The following HPGDS variants were observed in gnomAD, a reference collection of about 807,000 sequenced individuals.
HPGDS encodes the protein hematopoietic prostaglandin D synthase, also known as GST class-sigma.
A neutral mutation model predicts 23.1 loss-of-function variants in HPGDS; 26 were observed. The observed-to-expected ratio is 1.13, with a 90% CI of 0.83 to 1.56. The LOEUF (loss-of-function observed/expected upper bound fraction) is 1.56. Among genes scored for constraint, HPGDS ranks in the 40% most tolerant of loss-of-function variants. The pLI is 0.00. For synonymous variants in HPGDS, 95 were observed against 77.9 expected, an observed-to-expected ratio of 1.22 and a Z score of -1.16; for missense variants, 268 against 236.4, an observed-to-expected ratio of 1.13 and a Z score of -0.88.
chr4:94,338,058 A>G (rs1721059333), intron 1 of HPGDS, among the ~76,000 whole-genome samples: 1 of 152,220 alleles, frequency 6.6e-6, no homozygotes, highest in South Asian at 2.1e-4. Flanking sequence ...TTGCATAATT[A>G]TATTTTCTGT....
Position 94,300,769 on chromosome 4 carries a change from G to A in HPGDS, c.436-1125C>T, listed in dbSNP as rs1010170536. Among the ~76,000 whole-genome samples, 10 of 152,198 alleles carry A rather than the reference G, an allele frequency of 6.6e-5. No individual in the cohort carries two copies. In the South Asian group the frequency reaches 1.9e-3, roughly 28 times the overall value. ...CATGTGATGGACTATGACATGGTCA[G>A]AGAGGACTTTTTAAGAGGTGACACG... On this transcript the variant is annotated intron_variant, in intron 5 of 5. Coordinates refer to ENST00000295256, the MANE Select transcript of HPGDS (RefSeq NM_014485.3).
At chr4:94,321,123 T>G (rs1756498889) in intron 2 of HPGDS, among the ~76,000 whole-genome samples, 1 of 152,200 alleles carries the variant, frequency 6.6e-6, no homozygotes, top group African/African-American at 2.4e-5. Context: ...TTGGTCTATA[T>G]CTCTGTTTTG....
At chr4:94,303,302 C>T (rs957846709) in intron 4 of HPGDS, among the ~76,000 whole-genome samples, 2 of 152,110 alleles carry the variant, frequency 1.3e-5, no homozygotes, top group Non-Finnish European at 2.9e-5. Context: ...TTTGAGCATG[C>T]GCATGATGCC....
At chr4:94,316,345 A>G (rs1448581129) in intron 3 of HPGDS, among the ~76,000 whole-genome samples, 1 of 152,136 alleles carries the variant, frequency 6.6e-6, no homozygotes. Flanking sequence ...CCACATGGCA[A>G]CGTCTATCTA....
intron 4 of HPGDS, among the ~76,000 whole-genome samples, chr4:94,304,827 A>G (rs1241812066): frequency 6.6e-6 from 1 of 152,088 alleles, no homozygotes; most frequent in Non-Finnish European, 1.5e-5. Flanking sequence ...CTTATCATAA[A>G]TGTTCGAAGA....
chr4:94,322,957 A>G (rs775294850), intron 2 of HPGDS, among the ~76,000 whole-genome samples: 16 of 152,200 alleles, frequency 1.1e-4, no homozygotes, highest in South Asian at 4.2e-4. Flanking sequence ...ATTCTGGTAC[A>G]TTGTGTCTTT....
intron 3 of HPGDS, among the ~76,000 whole-genome samples, chr4:94,312,994 A>T (rs879316759): frequency 2.0e-5 from 3 of 151,716 alleles, no homozygotes; most frequent in African/African-American, 7.3e-5. Context: ...TGCTTGGTAG[A>T]TCTTCCTCCA....
intron 1 of HPGDS, among the ~76,000 whole-genome samples, chr4:94,340,332 T>G (rs1293198854): frequency 2.8e-5 from 1 of 35,612 alleles, no homozygotes. Context: ...TTTTTTTTTT[T>G]TTTTTTTTTT....
intron 2 of HPGDS, among the ~76,000 whole-genome samples, chr4:94,320,606 G>A (rs1039695090): frequency 3.9e-5 from 6 of 152,090 alleles, no homozygotes; most frequent in Non-Finnish European, 8.8e-5. Context: ...TTTTGATGGG[G>A]TTGTTTGATT....
intron 2 of HPGDS, among the ~76,000 whole-genome samples, chr4:94,323,608 T>G (rs1382624259): frequency 6.6e-6 from 1 of 152,176 alleles, no homozygotes; most frequent in African/African-American, 2.4e-5. Context: ...TTGTTTTCCA[T>G]TTGCTTGGTA....
intron 3 of HPGDS, among the ~76,000 whole-genome samples, chr4:94,310,566 C>T (rs538876934): frequency 2.0e-4 from 30 of 152,254 alleles, no homozygotes; most frequent in East Asian, 3.9e-4. Flanking sequence ...AGTCGGGTAG[C>T]GTGATGCTTC....
rs758424817 is a variant in HPGDS, at chr4:94,308,752, TAGAG to T, written c.227-13_227-10del. On this transcript the variant is annotated splice_polypyrimidine_tract_variant and intron_variant, in intron 3 of 5. Coordinates refer to ENST00000295256, the MANE Select transcript of HPGDS (RefSeq NM_014485.3). ...TGTGTTTCCAGCCAAATCTGTGGAA[TAGAG>T]AGAGGCCCATCAATATGTTTAATTT... 19 of 1,418,680 alleles carry T rather than the reference TAGAG, an allele frequency of 1.3e-5. No homozygotes were observed. Among genetic ancestry groups the T allele is most frequent in the Non-Finnish European group, 1.7e-5 (17 of 1,006,230 alleles). 87.9% of individuals were successfully genotyped at this position (1,418,680 alleles called of 1,614,324 possible).
intron 3 of HPGDS, among the ~76,000 whole-genome samples, chr4:94,315,504 A>T (rs765849397): frequency 6.6e-6 from 1 of 151,918 alleles, no homozygotes; most frequent in Non-Finnish European, 1.5e-5. Context: ...CTTTTGTCTC[A>T]TTTGTTAATC....
chr4:94,333,326 G>A (rs1471236520), intron 2 of HPGDS, among the ~76,000 whole-genome samples: 3 of 152,156 alleles, frequency 2.0e-5, no homozygotes, highest in Non-Finnish European at 2.9e-5. Context: ...ATATGTGACC[G>A]TTGGGCTTAC....
intron 1 of HPGDS, among the ~76,000 whole-genome samples, chr4:94,340,427 C>G (rs1343335837): frequency 7.1e-6 from 1 of 141,038 alleles, no homozygotes; most frequent in Non-Finnish European, 1.5e-5. Context: ...CAAGCTCCAC[C>G]TCCCGGGTTC....
rs1326736498 is a variant in HPGDS, at chr4:94,321,574, T to C, written c.134-3609A>G. On this transcript the variant is annotated intron_variant, in intron 2 of 5. Coordinates refer to ENST00000295256, the MANE Select transcript of HPGDS (RefSeq NM_014485.3). ...ATTTGGCTCTCTGTTTGTCTGTTAT[T>C]GGTGTATAGCAATGCTTGTGATTTT... Among the ~76,000 whole-genome samples, 6 of 152,344 alleles carry C rather than the reference T, an allele frequency of 3.9e-5. No individual in the cohort carries two copies. The East Asian group carries it at 1.2e-3, about 29-fold the overall frequency.
intron 5 of HPGDS, among the ~76,000 whole-genome samples, chr4:94,300,477 A>G (rs1226884285): frequency 6.6e-6 from 1 of 152,158 alleles, no homozygotes; most frequent in East Asian, 1.9e-4. Context: ...TTCTTTTTGT[A>G]TAGAATTTAA....
At chr4:94,331,426 T>C (rs574350781) in intron 2 of HPGDS, among the ~76,000 whole-genome samples, 1 of 152,342 alleles carries the variant, frequency 6.6e-6, no homozygotes, top group Non-Finnish European at 1.5e-5. Flanking sequence ...TAGATTTTTC[T>C]CAAATATCTA....
At chr4:94,313,681 G>A (rs1243764845) in intron 3 of HPGDS, among the ~76,000 whole-genome samples, 2 of 152,082 alleles carry the variant, frequency 1.3e-5, no homozygotes, top group Non-Finnish European at 2.9e-5. Context: ...TTGAATGTTG[G>A]CCTGCTTTGC....
Sources: allele counts gnomAD v4.1 joint callset (sites outside exome capture counted in the v4.1 genomes callset), GRCh38; gene constraint gnomAD v4.1.1; transcripts MANE v1.5; gene names NCBI Gene and HGNC (gene_info 2026-07-23, HGNC 2026-07-21).